PCDHGA9: variants seen among roughly 807,000 people sequenced by gnomAD.
PCDHGA9 encodes the protein protocadherin gamma-A9.
Under a neutral mutation model 62.5 loss-of-function variants are expected in PCDHGA9, and 37 were observed. The ratio of observed to expected loss-of-function variants is 0.59; its 90% CI spans 0.46 to 0.78. The LOEUF is 0.78. Among genes scored for constraint, PCDHGA9 ranks in the 30% least tolerant of loss-of-function variants. The pLI, the probability that PCDHGA9 is intolerant of heterozygous loss-of-function variation, is 0.00. For synonymous variants in PCDHGA9, 459 were observed against 484.6 expected, an observed-to-expected ratio of 0.95 and a Z score of 0.69; for missense variants, 1,138 against 1,166.2, an observed-to-expected ratio of 0.98 and a Z score of 0.35.
chr5:141,427,711 A>G, intron 1 of PCDHGA9: 1 of 1,036,496 alleles, frequency 9.6e-7, no homozygotes. Context: ...AGCGCCTCTG[A>G]CCTGGACCTA....
At chr5:141,428,002 T>G in intron 1 of PCDHGA9, 1 of 1,601,328 alleles carries the variant, frequency 6.2e-7, no homozygotes, top group Non-Finnish European at 8.5e-7. Context: ...TCCGCACTCT[T>G]CGATATAGTG....
At position 141,485,069 on chromosome 5, in the gene PCDHGA9, G is replaced by A. The variant is rs1185236732; in HGVS notation, c.2425-9738G>A. 1.1e-6 allele frequency: 1 copy of A among 905,912 alleles called. No homozygotes were observed. Among genetic ancestry groups the A allele is most frequent in the Non-Finnish European group, 1.7e-6 (1 of 577,940 alleles). The allele number at this position is 905,912 out of a possible 1,614,324, so 56.1% of individuals were successfully genotyped here. A position where few individuals can be genotyped will look rare whatever the true frequency, so the allele number is the denominator to read the frequency against. On this transcript the variant is annotated intron_variant, in intron 1 of 3. Coordinates refer to ENST00000573521, the MANE Select transcript of PCDHGA9 (RefSeq NM_018921.3). This position sits in a 1 kb window ranked among gnomAD's most constrained non-coding sequence, Gnocchi z 5.7. ...GCGCCGGCCGAACCGCGCCAGAGCTGGCGCGGGGAAAGGGAGATAGGTGTC... is the reference window on the plus strand; with the variant it reads ...GCGCCGGCCGAACCGCGCCAGAGCTAGCGCGGGGAAAGGGAGATAGGTGTC...
chr5:141,476,309 A>G lies in PCDHGA9; in HGVS notation c.2425-18498A>G. ...GGATCTCGGTAGCCTCTCAGCCCGC[A>G]GGTTCCGGGTGGTGTCTGGAGCTAG... On this transcript the variant is annotated intron_variant, in intron 1 of 3. Transcript: ENST00000573521. The surrounding 1 kb of genome is among the most constrained non-coding windows in gnomAD (Gnocchi z 7.6). The G allele has an allele frequency of 6.2e-7, 1 of 1,613,966 alleles. No homozygotes were observed. Among genetic ancestry groups the G allele is most frequent in the Non-Finnish European group, 8.5e-7 (1 of 1,179,988 alleles).
At chr5:141,444,188 T>TTTTTTTTTTG (rs2098424052) in intron 1 of PCDHGA9, among the ~76,000 whole-genome samples, 1 of 129,374 alleles carries the variant, frequency 7.7e-6, no homozygotes, top group African/African-American at 3.1e-5. Flanking sequence ...TTTTTTTTTT[T>TTTTTTTTTTG]GAGATGGAGT....
intron 1 of PCDHGA9, chr5:141,416,991 T>A (rs1052950610): frequency 2.0e-5 from 3 of 151,906 alleles, no homozygotes; most frequent in Non-Finnish European, 4.4e-5. Context: ...TTATTGTGCA[T>A]TCATCTCAAA....
chr5:141,450,734 G>A (rs1365470415), intron 1 of PCDHGA9, among the ~76,000 whole-genome samples: 6 of 151,868 alleles, frequency 4.0e-5, no homozygotes, highest in South Asian at 2.1e-4. Context: ...TGATCCGCCC[G>A]CCTTGGCCTC....
intron 1 of PCDHGA9, chr5:141,440,921 G>C (rs1213425379): frequency 6.6e-6 from 1 of 152,260 alleles, no homozygotes; most frequent in Non-Finnish European, 1.5e-5. Context: ...TGTGCTGAGA[G>C]TGAGGGCCAC....
At chr5:141,445,269 C>A (rs535300313) in intron 1 of PCDHGA9, among the ~76,000 whole-genome samples, 1 of 152,260 alleles carries the variant, frequency 6.6e-6, no homozygotes, top group Non-Finnish European at 1.5e-5. Flanking sequence ...AAGTCGAAAC[C>A]ACTCTGCATA....
chr5:141,432,706 C>T lies in PCDHGA9; in HGVS notation c.2424+27330C>T, dbSNP rs761752571. ...GCCTCGTAGTGGCCGTCCAGGACCA[C>T]GGCCAGCCCCCTCTCTCCGCCACTG... On this transcript the variant is annotated intron_variant, in intron 1 of 3. Transcript: ENST00000573521. The surrounding 1 kb of genome is among the most constrained non-coding windows in gnomAD (Gnocchi z 6.0). 10 of 1,613,870 alleles carry T rather than the reference C, an allele frequency of 6.2e-6. No homozygotes were observed. The East Asian group carries it at 1.1e-4, about 18-fold the overall frequency.
chr5:141,480,240 CA>C lies in PCDHGA9; in HGVS notation c.2425-14552del, dbSNP rs11374694. 4.6e-3 allele frequency among the ~76,000 whole-genome samples: 522 copies of C among 113,846 alleles called. 1 individual carries two copies. Among genetic ancestry groups the C allele is most frequent in the Non-Finnish European group, 5.4e-3 (287 of 52,954 alleles). 74.7% of individuals were successfully genotyped at this position (113,846 alleles called of 152,430 possible). A position where few individuals can be genotyped will look rare whatever the true frequency, so the allele number is the denominator to read the frequency against. ...GCGACATAGTGAGATCCTGTCTCTACAAAAAAAAAAAAAAATGTGTTTTCAT... is the reference window on the plus strand; with the variant it reads ...GCGACATAGTGAGATCCTGTCTCTACAAAAAAAAAAAAAATGTGTTTTCAT... On this transcript the variant is annotated intron_variant, in intron 1 of 3. Coordinates refer to ENST00000573521, the MANE Select transcript of PCDHGA9 (RefSeq NM_018921.3).
At chr5:141,418,800 G>A in intron 1 of PCDHGA9, 1 of 1,613,800 alleles carries the variant, frequency 6.2e-7, no homozygotes, top group African/African-American at 1.3e-5. Context: ...GAAGTAGAAA[G>A]ATATACGATA....
intron 1 of PCDHGA9, chr5:141,413,798 AAG>A (rs914638812): frequency 2.7e-5 from 44 of 1,613,066 alleles, no homozygotes; most frequent in Non-Finnish European, 3.5e-5. Context: ...GATCGCGAGG[AAG>A]AGGCCATTCA....
intron 1 of PCDHGA9, among the ~76,000 whole-genome samples, chr5:141,424,923 T>C (rs1428936860): frequency 6.6e-6 from 1 of 152,186 alleles, no homozygotes; most frequent in African/African-American, 2.4e-5. Flanking sequence ...CCATAATCAA[T>C]TCAGTCAACA....
chr5:141,415,845 A>G, intron 1 of PCDHGA9: 1 of 1,246,436 alleles, frequency 8.0e-7, no homozygotes, highest in Non-Finnish European at 1.0e-6. Flanking sequence ...TTAGCTTTGC[A>G]GAACCTTGTA....
At chr5:141,409,531 T>C (rs2095279232) in intron 1 of PCDHGA9, 1 of 1,613,870 alleles carries the variant, frequency 6.2e-7, no homozygotes, top group Non-Finnish European at 8.5e-7. Context: ...TGTATGTCGC[T>C]GACATCAACG....
rs142628885 is a variant in PCDHGA9 at position 141,404,093 on chromosome 5, C to T, written c.1141C>T (p.Gln381Ter). ...TGACCGAGACTCCGGGAAGAATGGT[C>T]AAGTTGTCTGTTCTATCCAGGAGAA... ...AHDRDSGKNG[Q>*]VVCSIQENLS... The change falls in exon 1 of 4, where the codon CAA becomes TAA. Residue 381 changes from glutamine to a stop codon, truncating the protein, a stop_gained. Coordinates refer to ENST00000573521, the MANE Select transcript of PCDHGA9 (RefSeq NM_018921.3). LOFTEE classifies it high-confidence loss of function. The T allele has an allele frequency of 9.4e-5, 152 of 1,613,326 alleles. 2 individuals carry two copies. In the East Asian group the frequency reaches 3.4e-3, roughly 36 times the overall value.
Position 141,491,706 on chromosome 5 carries a change from G to T in PCDHGA9, c.2425-3101G>T. 6.2e-7 allele frequency: 1 copy of T among 1,611,088 alleles called. No individual in the cohort carries two copies. Among genetic ancestry groups the T allele is most frequent in the Non-Finnish European group, 8.5e-7 (1 of 1,178,772 alleles). On this transcript the variant is annotated intron_variant, in intron 1 of 3. Coordinates refer to ENST00000573521, the MANE Select transcript of PCDHGA9 (RefSeq NM_018921.3). The surrounding 1 kb of genome is among the most constrained non-coding windows in gnomAD (Gnocchi z 6.9). Reference sequence around the variant, plus strand: ...CGCTGCGGGAGCGGAGCCAGGTGAGGGGCTCGGCGCCGCCCCGGGCGACCC... The same window carrying T: ...CGCTGCGGGAGCGGAGCCAGGTGAGTGGCTCGGCGCCGCCCCGGGCGACCC...
chr5:141,462,471 C>T (rs1464947091), intron 1 of PCDHGA9, among the ~76,000 whole-genome samples: 1 of 152,020 alleles, frequency 6.6e-6, no homozygotes, highest in East Asian at 1.9e-4. Context: ...GTGTATTCTG[C>T]TTCTCGTGGT....
intron 1 of PCDHGA9, chr5:141,440,034 A>T (rs995962283): frequency 6.5e-6 from 1 of 153,052 alleles, no homozygotes; most frequent in African/African-American, 2.4e-5. Context: ...AGTGTCGAGG[A>T]CATGCCCACT....
Sources: gnomAD v4.1 joint callset for allele counts (sites outside exome capture counted in the v4.1 genomes callset) on GRCh38, gnomAD v4.1.1 for gene constraint, Gnocchi (gnomAD v3.1) non-coding constraint, MANE v1.5 for transcripts, NCBI Gene and HGNC (gene_info 2026-07-23, HGNC 2026-07-21) for gene names.